DLGAP4: variants seen among roughly 807,000 people sequenced by gnomAD.
DLGAP4 encodes the protein DLG associated protein 4.
DLGAP4 carries 18 observed loss-of-function variants against 86.9 expected under a neutral mutation model. The ratio of observed to expected loss-of-function variants is 0.21; its 90% CI spans 0.14 to 0.31. The LOEUF (loss-of-function observed/expected upper bound fraction) is 0.31. DLGAP4 is among the 10% of genes least tolerant of loss of function. DLGAP4 has a pLI of 1.00. For missense variants in DLGAP4, 1,085 were observed against 1,362.6 expected (o/e 0.80, Z 3.21); for synonymous variants, 548 against 574.3 (o/e 0.95, Z 0.65).
chr20:36,462,362 C>G, intron 7 of DLGAP4: 1 of 1,381,462 alleles, frequency 7.2e-7, no homozygotes, highest in Non-Finnish European at 9.3e-7. Context: ...CCCCTCTGTG[C>G]CCCCACATCT....
At chr20:36,438,112 G>A (rs903214115) in intron 4 of DLGAP4, among the ~76,000 whole-genome samples, 6 of 152,088 alleles carry the variant, frequency 3.9e-5, no homozygotes, top group Non-Finnish European at 8.8e-5. Flanking sequence ...AGTGGCTCAC[G>A]CTTGTAATCC....
rs552350361 is a variant in DLGAP4 at position 36,471,495 on chromosome 20, AAAATAAAT to A, written c.1648+24578_1648+24585del. ...GGTGACAGAGCAAGACTCCATCTCA[AAAATAAAT>A]AAATAAATAAATAAATAAACTGACC... On this transcript the variant is annotated intron_variant, in intron 7 of 12. Transcript: ENST00000339266. 2.1e-3 allele frequency among the ~76,000 whole-genome samples: 318 copies of A among 152,102 alleles called. 1 individual carries two copies. The highest frequency in any genetic ancestry group is 6.5e-3 in the African/African-American group (268 of 41,470).
In DLGAP4 at chr20:36,524,130, G is replaced by A. The variant is rs368486393; in HGVS notation, c.2513-120G>A. The stretch of plus-strand genomic sequence containing the variant: ...ATGTGTAGATAAAATGAAGACCACC[G>A]CCATCATGAAATAATGAGTTCTACC... On this transcript the variant is annotated intron_variant, in intron 10 of 12. Transcript: ENST00000339266. 3.5e-5 allele frequency: 27 copies of A among 781,164 alleles called. 1 individual carries two copies. The highest frequency in any genetic ancestry group is 2.2e-4 in the Middle Eastern group (1 of 4,464). The allele number at this position is 781,164 out of a possible 1,614,324, so 48.4% of individuals were successfully genotyped here.
At chr20:36,382,519 C>CTTTTT (rs1167291519) in intron 2 of DLGAP4, among the ~76,000 whole-genome samples, 2 of 140,552 alleles carry the variant, frequency 1.4e-5, no homozygotes, top group African/African-American at 2.7e-5. Flanking sequence ...TTCTTTCTTT[C>CTTTTT]TTTTTTTCTT....
chr20:36,328,206 T>C (rs1356402289), intron 1 of DLGAP4, among the ~76,000 whole-genome samples: 2 of 150,918 alleles, frequency 1.3e-5, no homozygotes, highest in Admixed American at 1.3e-4. Context: ...CTCAAGAAAA[T>C]AAAAAAAATA....
At chr20:36,506,321 A>G (rs1320262913) in intron 10 of DLGAP4, among the ~76,000 whole-genome samples, 1 of 152,222 alleles carries the variant, frequency 6.6e-6, no homozygotes. Context: ...TGCAAAGGAA[A>G]TTATGTCATA....
At position 36,432,531 on chromosome 20, in the gene DLGAP4, G is replaced by A. The variant is rs529565051; in HGVS notation, c.814G>A (p.Ala272Thr). 43 of 974,070 alleles carry A rather than the reference G, an allele frequency of 4.4e-5. No individual in the cohort carries two copies. The East Asian group carries it at 5.1e-4, about 12-fold the overall frequency. 60.3% of individuals were successfully genotyped at this position (974,070 alleles called of 1,614,324 possible). A position where few individuals can be genotyped will look rare whatever the true frequency, so the allele number is the denominator to read the frequency against. ...GCTGACTGCCCCACCACCCCCGCCC[G>A]CACCCCCAGCCACCTGCCCCAGCCT... Reference protein sequence around the residue: ...TELTAPPPPPAPPATCPSLGV... With the variant: ...TELTAPPPPPTPPATCPSLGV... Residue 272 changes from alanine to threonine, a missense_variant, in exon 3 of 13, where the codon GCA becomes ACA. Transcript: ENST00000339266. The surrounding 1 kb of genome is among the most constrained non-coding windows in gnomAD (Gnocchi z 6.5).
chr20:36,388,239 G>A (rs1390035577), intron 2 of DLGAP4, among the ~76,000 whole-genome samples: 28 of 152,168 alleles, frequency 1.8e-4, no homozygotes, highest in Admixed American at 1.3e-3. Context: ...CTGCTTTGCT[G>A]CCATCAGTGG....
chr20:36,355,673 C>T (rs2030304048), intron 1 of DLGAP4, among the ~76,000 whole-genome samples: 1 of 152,198 alleles, frequency 6.6e-6, no homozygotes, highest in African/African-American at 2.4e-5. Context: ...AGTAATATTC[C>T]ATTTTATGGA....
chr20:36,318,105 C>A (rs1302284445), intron 1 of DLGAP4, among the ~76,000 whole-genome samples: 1 of 99,600 alleles, frequency 1.0e-5, no homozygotes, highest in East Asian at 2.8e-4. Context: ...AATGTGTCCT[C>A]TCACACACAC....
chr20:36,449,121 A>G (rs2033670926), intron 7 of DLGAP4, among the ~76,000 whole-genome samples: 1 of 152,152 alleles, frequency 6.6e-6, no homozygotes, highest in South Asian at 2.1e-4. Context: ...CTCTGATGCC[A>G]CATACTGGCT....
At chr20:36,349,382 C>A (rs1314664265) in intron 1 of DLGAP4, among the ~76,000 whole-genome samples, 2 of 149,936 alleles carry the variant, frequency 1.3e-5, no homozygotes, top group African/African-American at 4.9e-5. Flanking sequence ...CACGCCACTG[C>A]ACTCCAACCT....
intron 1 of DLGAP4, among the ~76,000 whole-genome samples, chr20:36,323,228 CA>C (rs1394695394): frequency 2.1e-5 from 3 of 143,186 alleles, no homozygotes; most frequent in Non-Finnish European, 4.6e-5. Flanking sequence ...CCAGCTATAC[CA>C]AAAGGCTCTG....
At chr20:36,516,215 T>C in intron 10 of DLGAP4, among the ~76,000 whole-genome samples, 1 of 152,194 alleles carries the variant, frequency 6.6e-6, no homozygotes, top group East Asian at 1.9e-4. Flanking sequence ...TCCACACAGA[T>C]CACTTGTTTT....
chr20:36,463,737 C>T (rs1437025937), intron 7 of DLGAP4, among the ~76,000 whole-genome samples: 1 of 152,204 alleles, frequency 6.6e-6, no homozygotes, highest in Admixed American at 6.5e-5. Flanking sequence ...AGTTGTGAGC[C>T]TTGGCTGCTT....
chr20:36,373,615 A>G (rs1284965534), intron 2 of DLGAP4, among the ~76,000 whole-genome samples: 1 of 152,206 alleles, frequency 6.6e-6, no homozygotes, highest in Admixed American at 6.5e-5. Context: ...CCAGAAGTAG[A>G]TGTAGGCTAT....
At chr20:36,343,625 C>A (rs377065488) in intron 1 of DLGAP4, among the ~76,000 whole-genome samples, 27 of 152,216 alleles carry the variant, frequency 1.8e-4, no homozygotes, top group African/African-American at 6.0e-4. Flanking sequence ...AGGTACCCCC[C>A]CCCAACCCCC....
intron 10 of DLGAP4, among the ~76,000 whole-genome samples, chr20:36,501,337 A>G (rs1302875956): frequency 6.6e-6 from 1 of 152,206 alleles, no homozygotes; most frequent in Non-Finnish European, 1.5e-5. Flanking sequence ...GAGTGCTGGG[A>G]TTACAGGCGT....
At chr20:36,336,361 A>T (rs1462832676) in intron 1 of DLGAP4, among the ~76,000 whole-genome samples, 2 of 151,522 alleles carry the variant, frequency 1.3e-5, no homozygotes, top group Non-Finnish European at 2.9e-5. Context: ...TCTGCCTGAG[A>T]CTCTGCCCCC....
Sources: gnomAD v4.1 joint callset for allele counts (sites outside exome capture counted in the v4.1 genomes callset) on GRCh38, gnomAD v4.1.1 for gene constraint, Gnocchi (gnomAD v3.1) non-coding constraint, MANE v1.5 for transcripts, NCBI Gene and HGNC (gene_info 2026-07-23, HGNC 2026-07-21) for gene names.